The following RYR2 variants were observed in gnomAD, a reference collection of about 807,000 sequenced individuals.
RYR2 encodes cardiac muscle ryanodine receptor-calcium release channel.
In RYR2, 227 loss-of-function variants were observed where a neutral mutation model predicts 601.1. That is an observed-to-expected ratio of 0.38 (90% CI 0.34 to 0.42). The LOEUF (loss-of-function observed/expected upper bound fraction) is 0.42, where lower values mean the gene tolerates loss of function less well. Among genes scored for constraint, RYR2 ranks in the 10% least tolerant of loss-of-function variants. The pLI, the probability that RYR2 is intolerant of heterozygous loss-of-function variation, is 1.00. For missense variants in RYR2, 4,646 were observed against 6,156.5 expected (o/e 0.75, Z 8.21); for synonymous variants, 2,223 against 2,175.1 (o/e 1.02, Z -0.61).
intron 101 of RYR2, among the ~76,000 whole-genome samples, chr1:237,827,899 T>C (rs1361168590): frequency 3.4e-5 from 4 of 116,104 alleles, no homozygotes; most frequent in South Asian, 3.0e-4. Flanking sequence ...ATTGTGCCAC[T>C]GCACTCCAGC....
chr1:237,194,394 G>T (rs779578461), intron 1 of RYR2, among the ~76,000 whole-genome samples: 23 of 152,166 alleles, frequency 1.5e-4, no homozygotes, highest in Non-Finnish European at 2.5e-4. Context: ...AGAAACAGCG[G>T]CAAGGAGCTC....
chr1:237,589,842 C>T lies in RYR2; in HGVS notation c.3648C>T (p.Asn1216=), dbSNP rs983874662. ...SLGVAQVGRM[N]FGKDVSTLKY... Reference sequence around the variant, plus strand: ...GAGTGGCTCAAGTGGGTAGGATGAACTTTGGAAAGGATGTCAGCACCTTGA... The same window carrying T: ...GAGTGGCTCAAGTGGGTAGGATGAATTTTGGAAAGGATGTCAGCACCTTGA... The change falls in exon 30 of 105, where the codon AAC becomes AAT. Residue 1216 remains asparagine (N), a synonymous_variant. Coordinates refer to ENST00000366574, the MANE Select transcript of RYR2 (RefSeq NM_001035.3). The T allele has an allele frequency of 1.1e-5, 18 of 1,613,490 alleles. No individual in the cohort carries two copies. The highest frequency in any genetic ancestry group is 1.4e-5 in the Non-Finnish European group (16 of 1,179,854).
intron 24 of RYR2, among the ~76,000 whole-genome samples, chr1:237,517,433 T>A (rs997766208): frequency 2.6e-5 from 4 of 152,212 alleles, no homozygotes; most frequent in Non-Finnish European, 5.9e-5. Flanking sequence ...CTGGGCCACA[T>A]TGGAAGAATT....
intron 49 of RYR2, among the ~76,000 whole-genome samples, chr1:237,648,826 C>T (rs1240583150): frequency 6.6e-6 from 1 of 152,126 alleles, no homozygotes; most frequent in Non-Finnish European, 1.5e-5. Flanking sequence ...AGAAACTTCC[C>T]ACTGACCAAA....
intron 2 of RYR2, among the ~76,000 whole-genome samples, chr1:237,290,634 G>A (rs1692090452): frequency 6.6e-6 from 1 of 152,088 alleles, no homozygotes; most frequent in Non-Finnish European, 1.5e-5. Context: ...AAATACCATA[G>A]TATGTAAAGC....
chr1:237,283,142 GTC>G (rs1558551554), intron 2 of RYR2, among the ~76,000 whole-genome samples: 1 of 152,174 alleles, frequency 6.6e-6, no homozygotes, highest in Non-Finnish European at 1.5e-5. Context: ...CCTGAAGGAA[GTC>G]TCTTCATTGT....
chr1:237,580,503 G>A (rs931770719), intron 29 of RYR2, among the ~76,000 whole-genome samples: 1 of 151,876 alleles, frequency 6.6e-6, no homozygotes, highest in African/African-American at 2.4e-5. Flanking sequence ...GCCTTAAGGG[G>A]TAATGAAATG....
rs868329474 is a variant in RYR2, at chr1:237,669,400, C to T, written c.8590+1442C>T. On this transcript the variant is annotated intron_variant, in intron 58 of 104. Transcript: ENST00000366574. ...CTCAATGAGCTGTTGGGTACACCTC[C>T]CAGACGGGGTGGTGGCCTGGCAGAG... Among the ~76,000 whole-genome samples the T allele has an allele frequency of 5.9e-5, 9 of 152,222 alleles. 1 individual carries two copies. In the South Asian group the frequency reaches 1.0e-3, roughly 18 times the overall value.
At chr1:237,425,490 C>T (rs968881467) in intron 12 of RYR2, among the ~76,000 whole-genome samples, 22 of 151,952 alleles carry the variant, frequency 1.4e-4, no homozygotes, top group African/African-American at 3.9e-4. Flanking sequence ...AAAAATTAGT[C>T]GGGCGTGGTG....
intron 1 of RYR2, among the ~76,000 whole-genome samples, chr1:237,202,637 G>A (rs1055069272): frequency 1.3e-5 from 2 of 152,110 alleles, no homozygotes; most frequent in African/African-American, 2.4e-5. Flanking sequence ...TGAACTCCTG[G>A]CCTCAAGTGA....
chr1:237,762,498 T>C (rs527785848), intron 84 of RYR2, among the ~76,000 whole-genome samples: 15 of 152,356 alleles, frequency 9.8e-5, no homozygotes, highest in East Asian at 3.9e-4. Flanking sequence ...TATTACCTAA[T>C]GTTCCAGGGG....
chr1:237,798,704 C>G (rs1170393047), intron 97 of RYR2, among the ~76,000 whole-genome samples: 2 of 151,962 alleles, frequency 1.3e-5, no homozygotes, highest in Non-Finnish European at 1.5e-5. Context: ...AAATGAAACA[C>G]TCTTTATATA....
intron 17 of RYR2, among the ~76,000 whole-genome samples, chr1:237,491,206 TTC>T (rs1230942441): frequency 6.6e-6 from 1 of 152,238 alleles, no homozygotes; most frequent in African/African-American, 2.4e-5. Flanking sequence ...ATTGTGTTAT[TTC>T]TGTTTATTTA....
chr1:237,497,249 A>G (rs1664168406), intron 20 of RYR2, among the ~76,000 whole-genome samples: 1 of 152,262 alleles, frequency 6.6e-6, no homozygotes, highest in Admixed American at 6.5e-5. Context: ...GTGTGGTATG[A>G]GGACTCAGAT....
chr1:237,606,879 A>G (rs1677188980), intron 35 of RYR2, among the ~76,000 whole-genome samples: 5 of 152,226 alleles, frequency 3.3e-5, no homozygotes, highest in Admixed American at 3.3e-4. Context: ...ATGAGATACC[A>G]TCTCACACCA....
intron 2 of RYR2, among the ~76,000 whole-genome samples, chr1:237,327,834 A>G (rs1450056302): frequency 2.0e-5 from 3 of 151,994 alleles, no homozygotes; most frequent in Non-Finnish European, 4.4e-5. Context: ...TTATTATCCA[A>G]TTTTTTTTAG....
chr1:237,515,730 T>TG (rs140595606), intron 24 of RYR2, among the ~76,000 whole-genome samples: 12 of 52,890 alleles, frequency 2.3e-4, no homozygotes, highest in South Asian at 7.0e-4. Flanking sequence ...TTCCTCCTTC[T>TG]TTCTCCTTCC....
At chr1:237,054,179 C>T (rs551853647) in intron 1 of RYR2, among the ~76,000 whole-genome samples, 240 of 149,752 alleles carry the variant, frequency 1.6e-3, no homozygotes, top group African/African-American at 5.4e-3. Flanking sequence ...CTCCCTCCTT[C>T]CCTCCCTCCC....
chr1:237,710,921 G>A (rs751793042), intron 70 of RYR2, among the ~76,000 whole-genome samples: 33 of 152,090 alleles, frequency 2.2e-4, no homozygotes, highest in Non-Finnish European at 2.9e-5. Flanking sequence ...ATGAATTTTT[G>A]CTTTTTGCCT....
Sources: allele counts gnomAD v4.1 joint callset (sites outside exome capture counted in the v4.1 genomes callset), GRCh38; gene constraint gnomAD v4.1.1; transcripts MANE v1.5; gene names NCBI Gene and HGNC (gene_info 2026-07-23, HGNC 2026-07-21).